Variants in TAFA2 observed in about 807,000 individuals in gnomAD.
The protein encoded by TAFA2 is chemokine-like protein TAFA-2.
Under a neutral mutation model 18.8 loss-of-function variants are expected in TAFA2, and 7 were observed. That is an observed-to-expected ratio of 0.37 (90% CI 0.21 to 0.70). The LOEUF (loss-of-function observed/expected upper bound fraction) is 0.70. Among genes scored for constraint, TAFA2 ranks in the 30% least tolerant of loss-of-function variants. The probability of loss-of-function intolerance (pLI) is 0.53; values close to 1 mark genes in which losing one functional copy is unlikely to be tolerated. For missense variants in TAFA2, 122 were observed against 158.1 expected (o/e 0.77, Z 1.23); for synonymous variants, 60 against 54.2 (o/e 1.11, Z -0.47).
intron 1 of TAFA2, among the ~76,000 whole-genome samples, chr12:62,204,862 C>A (rs557291887): frequency 6.6e-6 from 1 of 152,258 alleles, no homozygotes; most frequent in African/African-American, 2.4e-5. Context: ...CAGTTCTATG[C>A]CCTTGCTGGG....
At chr12:62,028,646 A>G (rs75869322) in intron 1 of TAFA2, among the ~76,000 whole-genome samples, 3,561 of 152,274 alleles carry the variant, frequency 0.023, 136 homozygotes, top group African/African-American at 0.081. Context: ...AACTATCCTA[A>G]GTTTCCTCTA....
intron 1 of TAFA2, among the ~76,000 whole-genome samples, chr12:61,873,734 A>G (rs562152155): frequency 1.3e-5 from 2 of 152,294 alleles, no homozygotes; most frequent in African/African-American, 4.8e-5. Flanking sequence ...GTTTGACTAC[A>G]CTGTTGCTTT....
At chr12:61,767,074 G>A (rs561446253) in intron 2 of TAFA2, among the ~76,000 whole-genome samples, 21 of 152,094 alleles carry the variant, frequency 1.4e-4, no homozygotes, top group South Asian at 2.1e-4. Flanking sequence ...ATTTAATATC[G>A]TAGTAAAGAA....
At chr12:61,864,899 C>A (rs1168142974) in intron 2 of TAFA2, among the ~76,000 whole-genome samples, 2 of 151,850 alleles carry the variant, frequency 1.3e-5, no homozygotes, top group Non-Finnish European at 2.9e-5. Context: ...CTTGAATGCT[C>A]ACCAAGGTGT....
chr12:62,175,944 T>C (rs1020726964), intron 1 of TAFA2, among the ~76,000 whole-genome samples: 6 of 151,826 alleles, frequency 4.0e-5, no homozygotes, highest in African/African-American at 1.2e-4. Flanking sequence ...ATTCAACCTG[T>C]TCCCACCTTT....
chr12:61,871,737 T>C (rs1243516688), intron 1 of TAFA2, among the ~76,000 whole-genome samples: 3 of 152,218 alleles, frequency 2.0e-5, no homozygotes, highest in Non-Finnish European at 4.4e-5. Flanking sequence ...ATTTCACTTA[T>C]GTACACGGAA....
intron 1 of TAFA2, among the ~76,000 whole-genome samples, chr12:62,175,955 T>C (rs1409150174): frequency 6.6e-6 from 1 of 151,958 alleles, no homozygotes; most frequent in Non-Finnish European, 1.5e-5. Flanking sequence ...TCCCACCTTT[T>C]TCAGCAATAT....
At chr12:62,135,018 C>A (rs1315721443) in intron 1 of TAFA2, among the ~76,000 whole-genome samples, 1 of 151,904 alleles carries the variant, frequency 6.6e-6, no homozygotes, top group Admixed American at 6.6e-5. Flanking sequence ...TTCTCTGACC[C>A]CAAATACTAA....
At chr12:61,750,348 G>A (rs1868952548) in intron 4 of TAFA2, among the ~76,000 whole-genome samples, 1 of 152,028 alleles carries the variant, frequency 6.6e-6, no homozygotes, top group Non-Finnish European at 1.5e-5. Context: ...ACTGAGAAAT[G>A]GGGTTTGGGA....
chr12:61,739,437 TAATTC>T (rs1436946020), intron 4 of TAFA2, among the ~76,000 whole-genome samples: 1 of 152,000 alleles, frequency 6.6e-6, no homozygotes, highest in Non-Finnish European at 1.5e-5. Context: ...CTACAGAAAA[TAATTC>T]TATTATGATC....
chr12:61,963,702 T>A (rs1291256035), intron 1 of TAFA2, among the ~76,000 whole-genome samples: 2 of 152,024 alleles, frequency 1.3e-5, no homozygotes, highest in East Asian at 3.9e-4. Context: ...TACCATTGAC[T>A]TTCTGCACAT....
intron 4 of TAFA2, among the ~76,000 whole-genome samples, chr12:61,726,897 G>A (rs1870194701): frequency 6.6e-6 from 1 of 151,980 alleles, no homozygotes. Context: ...CTTAAGGTAT[G>A]TCCCTTCTAT....
At chr12:62,021,733 T>C in intron 1 of TAFA2, 1 of 1,490,672 alleles carries the variant, frequency 6.7e-7, no homozygotes, top group Non-Finnish European at 9.3e-7. Flanking sequence ...CAAGGCAGCA[T>C]GATCTTCACC....
chr12:62,241,047 A>C (rs7311490), intron 1 of TAFA2, among the ~76,000 whole-genome samples: 3 of 152,178 alleles, frequency 2.0e-5, no homozygotes, highest in African/African-American at 7.2e-5. Flanking sequence ...CCACTGTTTT[A>C]AAGGCTTATT....
chr12:61,883,528 C>A (rs1001647114), intron 1 of TAFA2, among the ~76,000 whole-genome samples: 1 of 152,136 alleles, frequency 6.6e-6, no homozygotes, highest in African/African-American at 2.4e-5. Flanking sequence ...GGTCAGCAAG[C>A]CCCAGTTTCT....
At chr12:61,802,903 G>T (rs1171765287) in intron 2 of TAFA2, among the ~76,000 whole-genome samples, 1 of 151,728 alleles carries the variant, frequency 6.6e-6, no homozygotes, top group Non-Finnish European at 1.5e-5. Context: ...AAATTACTTA[G>T]AAAAAAAGGA....
At chr12:61,721,154 T>C (rs1049031251) in intron 4 of TAFA2, among the ~76,000 whole-genome samples, 1 of 151,988 alleles carries the variant, frequency 6.6e-6, no homozygotes, top group Non-Finnish European at 1.5e-5. Context: ...TAAATGGGAC[T>C]AAAATAAACA....
chr12:61,982,353 G>T (rs766459404), intron 1 of TAFA2, among the ~76,000 whole-genome samples: 3 of 152,046 alleles, frequency 2.0e-5, no homozygotes, highest in Non-Finnish European at 4.4e-5. Flanking sequence ...ATGACTTGAT[G>T]GGTGCAGCAC....
intron 1 of TAFA2, chr12:62,136,120 C>T (rs1000970872): frequency 2.6e-5 from 4 of 152,008 alleles, no homozygotes; most frequent in African/African-American, 9.7e-5. Context: ...GGGTGCGATT[C>T]CTAGTTAGCA....
Sources: gnomAD v4.1 joint callset for allele counts (sites outside exome capture counted in the v4.1 genomes callset) on GRCh38, gnomAD v4.1.1 for gene constraint, MANE v1.5 for transcripts, NCBI Gene and HGNC (gene_info 2026-07-23, HGNC 2026-07-21) for gene names.